FMN2: variants seen among roughly 807,000 people sequenced by gnomAD.
FMN2 encodes the protein formin-2.
A neutral mutation model predicts 142.3 loss-of-function variants in FMN2; 51 were observed. That is an observed-to-expected ratio of 0.36 (90% CI 0.29 to 0.45). The LOEUF is 0.45. FMN2 is among the 20% of genes least tolerant of loss of function. The pLI is 1.00. For missense variants in FMN2, 1,936 were observed against 2,122.8 expected (o/e 0.91, Z 1.73); for synonymous variants, 882 against 869.8 (o/e 1.01, Z -0.25).
At chr1:240,354,938 T>G (rs1298392775) in intron 13 of FMN2, among the ~76,000 whole-genome samples, 1 of 152,182 alleles carries the variant, frequency 6.6e-6, no homozygotes, top group Non-Finnish European at 1.5e-5. Flanking sequence ...TTGAATTACT[T>G]CCTTACTGGC....
chr1:240,394,912 G>A (rs1224180611), intron 15 of FMN2, among the ~76,000 whole-genome samples: 1 of 152,156 alleles, frequency 6.6e-6, no homozygotes, highest in East Asian at 1.9e-4. Context: ...AGGTTGCAGC[G>A]AGCTGAGATC....
intron 1 of FMN2, among the ~76,000 whole-genome samples, chr1:240,102,190 A>G (rs1661439713): frequency 6.6e-6 from 1 of 152,176 alleles, no homozygotes; most frequent in African/African-American, 2.4e-5. Context: ...CTTAGAAACT[A>G]GAAGGTTAAA....
At chr1:240,142,475 A>ATTTATT (rs1663224815) in intron 2 of FMN2, among the ~76,000 whole-genome samples, 2 of 146,162 alleles carry the variant, frequency 1.4e-5, no homozygotes, top group African/African-American at 5.1e-5. Flanking sequence ...AAACCTTTTC[A>ATTTATT]TATTTATTTA....
intron 14 of FMN2, among the ~76,000 whole-genome samples, chr1:240,369,659 T>C (rs1334672566): frequency 1.3e-5 from 2 of 152,204 alleles, no homozygotes; most frequent in Non-Finnish European, 2.9e-5. Flanking sequence ...TAAATTCCTT[T>C]CAGCCGCCTG....
chr1:240,434,918 A>G (rs945486435), intron 15 of FMN2, among the ~76,000 whole-genome samples: 1 of 151,596 alleles, frequency 6.6e-6, no homozygotes, highest in East Asian at 1.9e-4. Flanking sequence ...CTGAGACAGC[A>G]CTCGTGATCC....
At chr1:240,298,768 G>A (rs1362373572) in intron 8 of FMN2, among the ~76,000 whole-genome samples, 3 of 152,126 alleles carry the variant, frequency 2.0e-5, no homozygotes, top group African/African-American at 4.8e-5. Context: ...TGGAAGAATT[G>A]TCTTCCACAA....
intron 14 of FMN2, among the ~76,000 whole-genome samples, chr1:240,364,528 A>C (rs1367642832): frequency 6.6e-6 from 1 of 152,152 alleles, no homozygotes; most frequent in Non-Finnish European, 1.5e-5. Context: ...GAGAAGCATG[A>C]ATTTGAAGTG....
At chr1:240,410,737 T>A (rs555403329) in intron 15 of FMN2, among the ~76,000 whole-genome samples, 4 of 152,366 alleles carry the variant, frequency 2.6e-5, no homozygotes, top group African/African-American at 9.6e-5. Flanking sequence ...TCTGAGCTTA[T>A]TGTTATCGTC....
chr1:240,200,756 G>A (rs1302618621), intron 4 of FMN2, among the ~76,000 whole-genome samples: 1 of 151,984 alleles, frequency 6.6e-6, no homozygotes, highest in Non-Finnish European at 1.5e-5. Context: ...TCTCTCTACA[G>A]TGGGAATAAT....
At position 240,144,546 on chromosome 1, in the gene FMN2, C is replaced by T; in HGVS notation, c.1782+21201C>T. The T allele has an allele frequency of 2.1e-6, 3 of 1,439,332 alleles. No individual in the cohort carries two copies. The South Asian group carries it at 3.4e-5, about 16-fold the overall frequency. The allele number at this position is 1,439,332 out of a possible 1,614,324, so 89.2% of individuals were successfully genotyped here. A position where few individuals can be genotyped will look rare whatever the true frequency, so the allele number is the denominator to read the frequency against. ...TCGCAGGATGTGAAGATGTCTTCTA[C>T]CAGCTCCATGTCATTGCGCATCAGT... On this transcript the variant is annotated intron_variant, in intron 2 of 17. Coordinates refer to ENST00000319653, the MANE Select transcript of FMN2 (RefSeq NM_020066.5).
chr1:240,355,468 C>T (rs576085157), intron 13 of FMN2, among the ~76,000 whole-genome samples: 18 of 152,282 alleles, frequency 1.2e-4, no homozygotes, highest in African/African-American at 4.3e-4. Flanking sequence ...CGTCTCTTCA[C>T]AGATCTGATC....
intron 4 of FMN2, among the ~76,000 whole-genome samples, chr1:240,193,929 A>G (rs1448475551): frequency 2.0e-5 from 3 of 152,238 alleles, no homozygotes; most frequent in African/African-American, 7.2e-5. Flanking sequence ...AGTTTGACAC[A>G]TGGGGTTTTC....
chr1:240,386,348 T>TTA (rs1055111116), intron 14 of FMN2, among the ~76,000 whole-genome samples: 6 of 152,130 alleles, frequency 3.9e-5, no homozygotes, highest in Non-Finnish European at 8.8e-5. Flanking sequence ...CAAAAACTAG[T>TTA]TAACACTTTA....
At chr1:240,427,278 T>G (rs1243395099) in intron 15 of FMN2, among the ~76,000 whole-genome samples, 2 of 151,716 alleles carry the variant, frequency 1.3e-5, no homozygotes, top group African/African-American at 2.4e-5. Flanking sequence ...CTATCTCGGC[T>G]CACTGCAAGC....
chr1:240,368,559 TATTA>T (rs1254460285), intron 14 of FMN2, among the ~76,000 whole-genome samples: 2 of 135,008 alleles, frequency 1.5e-5, no homozygotes, highest in Non-Finnish European at 3.1e-5. Flanking sequence ...TAAGCCCTCT[TATTA>T]ATTTAACAAT....
intron 1 of FMN2, among the ~76,000 whole-genome samples, chr1:240,098,393 A>G (rs1661296505): frequency 6.6e-6 from 1 of 151,944 alleles, no homozygotes. Context: ...TGATTTTTAT[A>G]TCAGTAGAGG....
chr1:240,420,757 T>C (rs1401469700), intron 15 of FMN2, among the ~76,000 whole-genome samples: 1 of 152,174 alleles, frequency 6.6e-6, no homozygotes, highest in Non-Finnish European at 1.5e-5. Context: ...AGACTGCCCA[T>C]GCCCCACATT....
chr1:240,289,897 A>T (rs1222648751), intron 7 of FMN2, among the ~76,000 whole-genome samples: 1 of 152,186 alleles, frequency 6.6e-6, no homozygotes, highest in Admixed American at 6.5e-5. Context: ...TCATGTAAAC[A>T]TTCATACAGA....
intron 14 of FMN2, among the ~76,000 whole-genome samples, chr1:240,390,887 C>T (rs1397869534): frequency 6.6e-6 from 1 of 152,184 alleles, no homozygotes; most frequent in African/African-American, 2.4e-5. Context: ...GCCTGAATCT[C>T]TGTACTTTGC....
Sources: allele counts gnomAD v4.1 joint callset (sites outside exome capture counted in the v4.1 genomes callset), GRCh38; gene constraint gnomAD v4.1.1; transcripts MANE v1.5; gene names NCBI Gene and HGNC (gene_info 2026-07-23, HGNC 2026-07-21).